ANKRD36C: variants seen among roughly 807,000 people sequenced by gnomAD.
The protein encoded by ANKRD36C is ankyrin repeat domain 36C.
Under a neutral mutation model 276.4 loss-of-function variants are expected in ANKRD36C, and 61 were observed. That is an observed-to-expected ratio of 0.22 (90% CI 0.18 to 0.27). The LOEUF (loss-of-function observed/expected upper bound fraction) is 0.27. ANKRD36C is among the 10% of genes least tolerant of loss of function. ANKRD36C has a pLI of 1.00. For synonymous variants in ANKRD36C, 483 were observed against 680.1 expected (o/e 0.71, Z 4.51); for missense variants, 1,447 against 2,032.3 (o/e 0.71, Z 5.54).
Position 95,897,810 on chromosome 2 carries a change from GCAGGTGCTACATGATCC to G in ANKRD36C, c.2755+1318_2755+1334del, listed in dbSNP as rs1470902244. On this transcript the variant is annotated intron_variant, in intron 44 of 66. Coordinates refer to ENST00000456556, the Ensembl canonical transcript of ANKRD36C. ...CATACACCTGAGAATCAATGTCAAAGCAGGTGCTACATGATCCCACTTACCTTTCATGCAACAAATTA... is the reference window on the plus strand; with the variant it reads ...CATACACCTGAGAATCAATGTCAAAGCACTTACCTTTCATGCAACAAATTA... 2.2e-4 allele frequency among the ~76,000 whole-genome samples: 32 copies of G among 145,998 alleles called. 1 individual carries two copies. Among genetic ancestry groups the G allele is most frequent in the Non-Finnish European group, 4.0e-4 (26 of 65,242 alleles).
chr2:95,912,755 T>A (rs1676971176), intron 40 of ANKRD36C, among the ~76,000 whole-genome samples: 1 of 151,498 alleles, frequency 6.6e-6, no homozygotes, highest in African/African-American at 2.4e-5. Flanking sequence ...GAGGAGCAAC[T>A]CATACACGTG....
chr2:95,907,865 T>A (rs1392117143), intron 42 of ANKRD36C, among the ~76,000 whole-genome samples: 2 of 149,108 alleles, frequency 1.3e-5, no homozygotes, highest in African/African-American at 5.0e-5. Flanking sequence ...GTCAGTGTGG[T>A]GGTGTATTCC....
At chr2:95,851,737 T>A (rs1377164346) in exon 66 of ANKRD36C, 2 of 1,534,520 alleles carry the variant, frequency 1.3e-6, no homozygotes, top group Admixed American at 3.9e-5. Context: ...CTCAATTTGT[T>A]CATCCTGTTT....
At chr2:95,909,908 C>A (rs1467151836) in intron 42 of ANKRD36C, among the ~76,000 whole-genome samples, 1 of 150,344 alleles carries the variant, frequency 6.7e-6, no homozygotes, top group African/African-American at 2.4e-5. Context: ...CACCTTCCTG[C>A]CTCACAATCC....
intron 28 of ANKRD36C, 71 bp downstream of exon 28, chr2:95,927,143 T>A: frequency 7.6e-6 from 12 of 1,586,890 alleles, no homozygotes; most frequent in Non-Finnish European, 1.0e-5. Context: ...CCCCCGCTGA[T>A]TTATTCCAGG....
intron 60 of ANKRD36C, among the ~76,000 whole-genome samples, chr2:95,863,531 G>C (rs2463579): frequency 3.9e-5 from 6 of 152,020 alleles, no homozygotes; most frequent in Admixed American, 1.3e-4. Context: ...ATATTACCAA[G>C]AAGAAAATTC....
intron 58 of ANKRD36C, among the ~76,000 whole-genome samples, chr2:95,878,300 T>G (rs535309070): frequency 6.6e-6 from 1 of 152,054 alleles, no homozygotes; most frequent in Non-Finnish European, 1.5e-5. Context: ...ATCAGTGCAA[T>G]GTTCACTGAT....
At chr2:95,941,768 A>G (rs1558649266) in intron 19 of ANKRD36C, among the ~76,000 whole-genome samples, 2 of 152,304 alleles carry the variant, frequency 1.3e-5, no homozygotes, top group Non-Finnish European at 1.5e-5. Context: ...CAAAGTAAAC[A>G]TGTTTAAGAA....
chr2:95,852,020 C>T (rs1184971002), intron 65 of ANKRD36C, 106 bp downstream of exon 85: 1 of 1,308,232 alleles, frequency 7.6e-7, no homozygotes, highest in African/African-American at 1.5e-5. Context: ...ACTTTTTTGG[C>T]TTCACAAAGA....
At chr2:95,868,842 A>AT (rs1675737919) in intron 59 of ANKRD36C, among the ~76,000 whole-genome samples, 1 of 152,038 alleles carries the variant, frequency 6.6e-6, no homozygotes, top group Non-Finnish European at 1.5e-5. Flanking sequence ...CAGTTTTGTA[A>AT]TTTTCACAAA....
At chr2:95,911,629 C>G (rs987866888) in intron 42 of ANKRD36C, among the ~76,000 whole-genome samples, 5 of 151,446 alleles carry the variant, frequency 3.3e-5, no homozygotes, top group Admixed American at 6.6e-5. Flanking sequence ...AATTCAAACA[C>G]TGTTTCCTGC....
intron 20 of ANKRD36C, among the ~76,000 whole-genome samples, chr2:95,939,688 G>A (rs1215004043): frequency 7.4e-5 from 11 of 149,032 alleles, no homozygotes; most frequent in Non-Finnish European, 1.4e-4. Context: ...CTGGGTGACA[G>A]AGCGAGACTC....
chr2:95,914,868 A>T (rs541576270), intron 38 of ANKRD36C, among the ~76,000 whole-genome samples: 7 of 151,554 alleles, frequency 4.6e-5, no homozygotes, highest in Non-Finnish European at 8.9e-5. Context: ...AGTACATAAT[A>T]TTCATTATCT....
intron 60 of ANKRD36C, among the ~76,000 whole-genome samples, chr2:95,866,434 C>A (rs1369241077): frequency 1.3e-5 from 2 of 151,534 alleles, no homozygotes; most frequent in Non-Finnish European, 1.5e-5. Context: ...AAATTCAACA[C>A]GTAAGAAAAC....
intron 53 of ANKRD36C, 38 bp downstream of exon 73, chr2:95,884,302 C>T (rs1161775593): frequency 6.2e-7 from 1 of 1,610,430 alleles, no homozygotes; most frequent in Admixed American, 1.7e-5. Flanking sequence ...ATAGACTATA[C>T]AATTACTAGT....
At chr2:95,956,758 T>C in intron 13 of ANKRD36C, 28 bp downstream of exon 13, 2 of 1,530,812 alleles carry the variant, frequency 1.3e-6, no homozygotes, top group South Asian at 2.4e-5. Context: ...AGTTAACATA[T>C]CACTTTAAAA....
At chr2:95,918,120 T>G (rs1410203165) in intron 34 of ANKRD36C, 78 bp from the exon 37 acceptor site, 10 of 1,550,946 alleles carry the variant, frequency 6.4e-6, no homozygotes, top group Non-Finnish European at 8.7e-6. Context: ...AGTGTTAGCA[T>G]CAAGCTGTAT....
At chr2:95,894,051 C>G (rs1017987842) in intron 44 of ANKRD36C, among the ~76,000 whole-genome samples, 2 of 151,478 alleles carry the variant, frequency 1.3e-5, no homozygotes, top group African/African-American at 4.8e-5. Flanking sequence ...AACTCACACA[C>G]CTGAGAATCA....
intron 1 of ANKRD36C, among the ~76,000 whole-genome samples, chr2:95,989,553 T>G (rs955084223): frequency 2.6e-5 from 4 of 151,896 alleles, no homozygotes; most frequent in African/African-American, 9.7e-5. Flanking sequence ...ATTGATAAAT[T>G]TATAAAATTT....
Sources: gnomAD v4.1 joint callset for allele counts (sites outside exome capture counted in the v4.1 genomes callset) on GRCh38, gnomAD v4.1.1 for gene constraint, MANE v1.5 for transcripts, NCBI Gene and HGNC (gene_info 2026-07-23, HGNC 2026-07-21) for gene names.